Variants in SERPINI1 observed in about 807,000 individuals in gnomAD.
The protein encoded by SERPINI1 is neuroserpin.
In SERPINI1, 19 loss-of-function variants were observed where a neutral mutation model predicts 41.1. That is an observed-to-expected ratio of 0.46 (90% CI 0.32 to 0.68). SERPINI1 has a LOEUF of 0.68. Ranked by LOEUF, SERPINI1 falls within the 30% of genes least tolerant of loss-of-function variation. The pLI is 0.03. For synonymous variants in SERPINI1, 138 were observed against 156.6 expected, an observed-to-expected ratio of 0.88 and a Z score of 0.89; for missense variants, 460 against 479.2, an observed-to-expected ratio of 0.96 and a Z score of 0.37.
intron 1 of SERPINI1, among the ~76,000 whole-genome samples, chr3:167,768,736 C>T (rs938149925): frequency 2.0e-5 from 3 of 152,138 alleles, no homozygotes; most frequent in Admixed American, 2.0e-4. Context: ...CCTGAAGATC[C>T]TACTGAATAG....
chr3:167,793,817 T>TATATAG (rs1289830187), intron 4 of SERPINI1, among the ~76,000 whole-genome samples: 8 of 143,414 alleles, frequency 5.6e-5, no homozygotes, highest in African/African-American at 2.1e-4. Flanking sequence ...TATATATATA[T>TATATAG]AGTTCATTTT....
rs71753556 is a variant in SERPINI1 at position 167,759,400 on chromosome 3, G to GTATATATATATATA, written c.-19+23585_-19+23598dup. 8.7e-3 allele frequency among the ~76,000 whole-genome samples: 1,049 copies of GTATATATATATATA among 121,072 alleles called. 44 individuals are homozygous for GTATATATATATATA. Among genetic ancestry groups the GTATATATATATATA allele is most frequent in the African/African-American group, 0.029 (943 of 32,854 alleles). The allele number at this position is 121,072 out of a possible 152,430, so 79.4% of individuals were successfully genotyped here. On this transcript the variant is annotated intron_variant, in intron 1 of 8. Transcript: ENST00000446050. ...ATCAACATTGGATAAAGAAAATGTG[G>GTATATATATATATA]TATATATATATATATATATATGCGC...
At chr3:167,756,921 A>G (rs1342044271) in intron 1 of SERPINI1, among the ~76,000 whole-genome samples, 2 of 152,210 alleles carry the variant, frequency 1.3e-5, no homozygotes, top group East Asian at 3.8e-4. Flanking sequence ...CTAAGCCACC[A>G]TGTAAAAAAT....
intron 4 of SERPINI1, 152 bp from the exon 5 acceptor site, chr3:167,794,468 A>G (rs952374103): frequency 2.6e-5 from 14 of 541,570 alleles, no homozygotes; most frequent in Non-Finnish European, 4.2e-5. Context: ...TTTTGGTTAC[A>G]TGAAAAACTT....
intron 6 of SERPINI1, among the ~76,000 whole-genome samples, chr3:167,820,043 T>G (rs372357472): frequency 6.6e-6 from 1 of 152,218 alleles, no homozygotes; most frequent in South Asian, 2.1e-4. Flanking sequence ...AGTAACAGGC[T>G]GAGTGGCTTA....
chr3:167,778,964 G>A (rs868462208), intron 1 of SERPINI1, among the ~76,000 whole-genome samples: 3 of 152,212 alleles, frequency 2.0e-5, no homozygotes, highest in Admixed American at 6.5e-5. Flanking sequence ...ATCCTGCTAC[G>A]ATAATCTTTG....
chr3:167,801,305 T>C (rs565907781), intron 5 of SERPINI1, among the ~76,000 whole-genome samples: 1 of 152,374 alleles, frequency 6.6e-6, no homozygotes, highest in African/African-American at 2.4e-5. Context: ...GGTAGAAAGT[T>C]GCAAATGCAG....
intron 1 of SERPINI1, among the ~76,000 whole-genome samples, chr3:167,763,629 C>A (rs1726459934): frequency 1.3e-5 from 2 of 152,152 alleles, no homozygotes; most frequent in South Asian, 4.1e-4. Context: ...AGGCATATCC[C>A]AGTTGGTATT....
intron 5 of SERPINI1, among the ~76,000 whole-genome samples, chr3:167,802,014 A>C (rs1727914585): frequency 6.6e-6 from 1 of 152,136 alleles, no homozygotes; most frequent in South Asian, 2.1e-4. Context: ...TGAGAAAAAC[A>C]AGCAATGGGG....
At chr3:167,763,680 A>C (rs1726462413) in intron 1 of SERPINI1, among the ~76,000 whole-genome samples, 1 of 152,134 alleles carries the variant, frequency 6.6e-6, no homozygotes, top group Non-Finnish European at 1.5e-5. Context: ...TCTAACAATC[A>C]CCTGAAATAT....
chr3:167,758,301 G>C (rs922690348), intron 1 of SERPINI1, among the ~76,000 whole-genome samples: 3 of 152,128 alleles, frequency 2.0e-5, no homozygotes, highest in African/African-American at 7.2e-5. Context: ...CATCTAAAAA[G>C]TCCATAACAA....
chr3:167,791,032 T>C (rs1727489237), intron 3 of SERPINI1, among the ~76,000 whole-genome samples: 1 of 152,154 alleles, frequency 6.6e-6, no homozygotes, highest in Non-Finnish European at 1.5e-5. Context: ...AAGAACTTCA[T>C]TGGTAATTTA....
chr3:167,768,123 A>G (rs1298396130), intron 1 of SERPINI1, among the ~76,000 whole-genome samples: 1 of 152,152 alleles, frequency 6.6e-6, no homozygotes, highest in Non-Finnish European at 1.5e-5. Flanking sequence ...AGATGTGGCA[A>G]ACTTCACTGT....
intron 5 of SERPINI1, among the ~76,000 whole-genome samples, chr3:167,799,824 G>T (rs975964324): frequency 2.0e-5 from 3 of 151,908 alleles, no homozygotes; most frequent in African/African-American, 7.3e-5. Context: ...TCATATGTTT[G>T]TTGGCCACAT....
intron 1 of SERPINI1, among the ~76,000 whole-genome samples, chr3:167,746,973 C>T (rs1403549873): frequency 6.6e-6 from 1 of 152,176 alleles, no homozygotes; most frequent in Non-Finnish European, 1.5e-5. Flanking sequence ...TACACAAAAA[C>T]ATCCACAGGT....
intron 1 of SERPINI1, among the ~76,000 whole-genome samples, chr3:167,757,860 AG>A (rs1726241712): frequency 6.6e-6 from 1 of 152,194 alleles, no homozygotes; most frequent in African/African-American, 2.4e-5. Context: ...CGGAGATTGC[AG>A]TGAGCCGAGA....
intron 5 of SERPINI1, among the ~76,000 whole-genome samples, chr3:167,795,299 T>G (rs1727676462): frequency 6.6e-6 from 1 of 152,148 alleles, no homozygotes; most frequent in African/African-American, 2.4e-5. Context: ...CAACCATAAA[T>G]TAGCAGGAAG....
At chr3:167,807,695 T>C (rs1711697194) in intron 6 of SERPINI1, among the ~76,000 whole-genome samples, 1 of 152,064 alleles carries the variant, frequency 6.6e-6, no homozygotes, top group Non-Finnish European at 1.5e-5. Flanking sequence ...TAGTAAATCA[T>C]GTAAGAAAGA....
intron 6 of SERPINI1, among the ~76,000 whole-genome samples, chr3:167,820,525 T>G (rs1039988848): frequency 6.6e-6 from 1 of 152,186 alleles, no homozygotes; most frequent in Non-Finnish European, 1.5e-5. Flanking sequence ...CCAGTCCAGG[T>G]GCTGTCATGA....
Sources: allele counts gnomAD v4.1 joint callset (sites outside exome capture counted in the v4.1 genomes callset), GRCh38; gene constraint gnomAD v4.1.1; transcripts MANE v1.5; gene names NCBI Gene and HGNC (gene_info 2026-07-23, HGNC 2026-07-21).